Variants in CNGA1 observed in about 807,000 individuals in gnomAD.
CNGA1 encodes cyclic nucleotide gated channel subunit alpha 1, also known as cyclic nucleotide-gated channel alpha-1.
Under a neutral mutation model 69.7 loss-of-function variants are expected in CNGA1, and 53 were observed. The ratio of observed to expected loss-of-function variants is 0.76; its 90% CI spans 0.61 to 0.96. The LOEUF is 0.96. Among genes scored for constraint, CNGA1 ranks in the 40% least tolerant of loss-of-function variants. CNGA1 has a pLI of 0.00. For missense variants in CNGA1, 739 were observed against 811.2 expected (o/e 0.91, Z 1.08); for synonymous variants, 249 against 283.5 (o/e 0.88, Z 1.22).
chr4:48,008,153 T>G (rs897325403), intron 2 of CNGA1, among the ~76,000 whole-genome samples: 1 of 151,384 alleles, frequency 6.6e-6, no homozygotes, highest in Non-Finnish European at 1.5e-5. Context: ...TCCCTTTAAC[T>G]ACAGACAACT....
intron 2 of CNGA1, among the ~76,000 whole-genome samples, chr4:47,992,948 T>A (rs1308624031): frequency 6.6e-6 from 1 of 152,182 alleles, no homozygotes; most frequent in African/African-American, 2.4e-5. Flanking sequence ...ATTAAGATGA[T>A]CATGTGATTT....
At chr4:47,945,504 C>A (rs1739345986) in intron 6 of CNGA1, among the ~76,000 whole-genome samples, 2 of 152,110 alleles carry the variant, frequency 1.3e-5, no homozygotes, top group African/African-American at 4.8e-5. Context: ...ATGTTGACAC[C>A]TAGGGATTGA....
intron 1 of CNGA1, among the ~76,000 whole-genome samples, chr4:48,014,000 G>C (rs1409827288): frequency 2.0e-5 from 3 of 152,096 alleles, no homozygotes; most frequent in Non-Finnish European, 4.4e-5. Context: ...AGGCCCTAAG[G>C]CTCTACTAAT....
intron 3 of CNGA1, among the ~76,000 whole-genome samples, chr4:47,974,663 T>G (rs1052173786): frequency 5.3e-5 from 8 of 152,172 alleles, no homozygotes; most frequent in African/African-American, 1.9e-4. Flanking sequence ...CATAATACTG[T>G]TTTTCATCTC....
intron 3 of CNGA1, among the ~76,000 whole-genome samples, chr4:47,965,884 G>A (rs1190680832): frequency 6.6e-6 from 1 of 151,636 alleles, no homozygotes; most frequent in African/African-American, 2.4e-5. Flanking sequence ...CAACTCTTGA[G>A]GTATCATAGG....
At chr4:47,979,592 G>A (rs997574362) in intron 3 of CNGA1, among the ~76,000 whole-genome samples, 15 of 152,126 alleles carry the variant, frequency 9.9e-5, no homozygotes, top group East Asian at 9.6e-4. Flanking sequence ...AATGCCTAGC[G>A]TTAGAGTAGG....
intron 3 of CNGA1, among the ~76,000 whole-genome samples, chr4:47,958,827 G>C (rs1317940300): frequency 6.6e-6 from 1 of 152,116 alleles, no homozygotes; most frequent in African/African-American, 2.4e-5. Context: ...ATTTACTAAA[G>C]CTTTTTAGCA....
intron 3 of CNGA1, among the ~76,000 whole-genome samples, chr4:47,962,698 T>TA (rs1740517626): frequency 6.6e-6 from 1 of 152,206 alleles, no homozygotes; most frequent in African/African-American, 2.4e-5. Context: ...TCTATGCTTT[T>TA]AACTTCTCGT....
intron 2 of CNGA1, among the ~76,000 whole-genome samples, chr4:48,008,500 G>A (rs1715019974): frequency 6.6e-6 from 1 of 151,984 alleles, no homozygotes; most frequent in Admixed American, 6.6e-5. Context: ...CTTTTTTCTA[G>A]AAAGAATGTT....
rs181178777 is a variant in CNGA1 at position 48,009,976 on chromosome 4, C to T, written c.-123+818G>A. 7.6e-4 allele frequency among the ~76,000 whole-genome samples: 115 copies of T among 151,910 alleles called. No individual in the cohort carries two copies. The East Asian group carries it at 0.014, about 19-fold the overall frequency. Reference sequence around the variant, plus strand: ...AAATACATAGACATATTAGGCATGCCGATAGAAGTACATCTTATAGATTCA... The same window carrying T: ...AAATACATAGACATATTAGGCATGCTGATAGAAGTACATCTTATAGATTCA... On this transcript the variant is annotated intron_variant, in intron 2 of 10. Transcript: ENST00000514170.
intron 5 of CNGA1, 82 bp downstream of exon 5, chr4:47,951,271 C>A: frequency 1.2e-6 from 1 of 858,490 alleles, no homozygotes; most frequent in South Asian, 1.4e-5. Flanking sequence ...TCACCATGAT[C>A]TGATTGCAAA....
chr4:47,962,547 T>C (rs1740508044), intron 3 of CNGA1, among the ~76,000 whole-genome samples: 1 of 152,156 alleles, frequency 6.6e-6, no homozygotes, highest in Non-Finnish European at 1.5e-5. Flanking sequence ...CACTACAAAC[T>C]GTGAAGTAAG....
intron 1 of CNGA1, 98 bp from the exon 2 acceptor site, chr4:48,010,991 G>A (rs1274050985): frequency 6.6e-6 from 1 of 152,370 alleles, no homozygotes; most frequent in Non-Finnish European, 1.5e-5. Flanking sequence ...GGACCCAAAG[G>A]GGGTTGCCAT....
intron 2 of CNGA1, among the ~76,000 whole-genome samples, chr4:47,999,076 T>C (rs1025187393): frequency 2.0e-5 from 3 of 152,196 alleles, no homozygotes; most frequent in Non-Finnish European, 4.4e-5. Context: ...TCATCTCATA[T>C]CATCACAAAA....
At chr4:48,014,705 T>C (rs1715301653) in intron 1 of CNGA1, among the ~76,000 whole-genome samples, 1 of 152,228 alleles carries the variant, frequency 6.6e-6, no homozygotes, top group Admixed American at 6.5e-5. Flanking sequence ...TTCATGAAGA[T>C]TTATAAAGCA....
chr4:47,980,460 TTTTC>T (rs1272404579), intron 3 of CNGA1, among the ~76,000 whole-genome samples: 3 of 134,886 alleles, frequency 2.2e-5, no homozygotes, highest in South Asian at 2.4e-4. Flanking sequence ...AGTTTTTTAT[TTTTC>T]TTTCTTTCTT....
At chr4:47,950,227 T>C (rs1195938521) in intron 5 of CNGA1, among the ~76,000 whole-genome samples, 1 of 152,154 alleles carries the variant, frequency 6.6e-6, no homozygotes, top group Admixed American at 6.5e-5. Context: ...AATTGAATCA[T>C]AGGGGTGGGT....
At chr4:47,969,437 C>T (rs1740895066) in intron 3 of CNGA1, among the ~76,000 whole-genome samples, 1 of 151,990 alleles carries the variant, frequency 6.6e-6, no homozygotes, top group South Asian at 2.1e-4. Context: ...TTTTAGGAAA[C>T]CAAACTCAGT....
chr4:47,961,479 A>C (rs1740434962), intron 3 of CNGA1, among the ~76,000 whole-genome samples: 1 of 152,252 alleles, frequency 6.6e-6, no homozygotes, highest in Non-Finnish European at 1.5e-5. Context: ...GCCATGGCTC[A>C]TGCCAGTAAT....
Sources: gnomAD v4.1 joint callset for allele counts (sites outside exome capture counted in the v4.1 genomes callset) on GRCh38, gnomAD v4.1.1 for gene constraint, MANE v1.5 for transcripts, NCBI Gene and HGNC (gene_info 2026-07-23, HGNC 2026-07-21) for gene names.